CNOT7: variants seen among roughly 807,000 people sequenced by gnomAD.
CNOT7 encodes the protein BTG1-binding factor 1.
In CNOT7, 4 loss-of-function variants were observed where a neutral mutation model predicts 37.1. The ratio of observed to expected loss-of-function variants is 0.11; its 90% CI spans 0.05 to 0.25. CNOT7 has a LOEUF of 0.25. Among genes scored for constraint, CNOT7 ranks in the 10% least tolerant of loss-of-function variants. CNOT7 has a pLI of 1.00. For missense variants in CNOT7, 170 were observed against 336.2 expected (o/e 0.51, Z 3.87); for synonymous variants, 128 against 115.6 (o/e 1.11, Z -0.69).
rs117960717 is a variant in CNOT7 at position 17,246,679 on chromosome 8, G to A, written c.-100C>T. The A allele has an allele frequency of 0.089, 14,805 of 166,526 alleles. 792 individuals are homozygous for A. Among genetic ancestry groups the A allele is most frequent in the South Asian group, 0.19 (1,579 of 8,456 alleles). 10.3% of individuals were successfully genotyped at this position (166,526 alleles called of 1,614,324 possible). ...TGCAGCGGATGCAAGATCTACTTGTGTCGCTGAGCTCGCGCTCCTCCTCCT... is the reference window on the plus strand; with the variant it reads ...TGCAGCGGATGCAAGATCTACTTGTATCGCTGAGCTCGCGCTCCTCCTCCT... On this transcript the variant is annotated 5_prime_UTR_variant, in exon 1 of 7. Coordinates refer to ENST00000361272, the MANE Select transcript of CNOT7 (RefSeq NM_013354.7).
At chr8:17,244,928 G>C (rs148988960) in intron 2 of CNOT7, 108 bp downstream of exon 2, 13 of 910,882 alleles carry the variant, frequency 1.4e-5, no homozygotes, top group Non-Finnish European at 2.0e-5. Flanking sequence ...ACTTTTCATG[G>C]TGAAATTAAT....
chr8:17,231,944 T>A, intron 6 of CNOT7: 3 of 987,684 alleles, frequency 3.0e-6, no homozygotes, highest in Non-Finnish European at 3.6e-6. Context: ...TTCTTCTCTA[T>A]AAAATCTTCA....
At position 17,234,825 on chromosome 8, in the gene CNOT7, G is replaced by A. The variant is rs1476469058; in HGVS notation, c.509C>T (p.Thr170Ile). Residue 170 changes from threonine to isoleucine, a missense_variant, in exon 5 of 7, where the codon ACC becomes ATC. This residue lies in a region of CNOT7 where 68 missense variants were observed against 151.1 expected (regional missense o/e 0.45). Transcript: ENST00000361272. ...TTCTTCTTCAGGCAAGTTAGAGTTG[G>A]TTAGGATTTTGATTAAGTAGCCAAA... ...YDFGYLIKIL[T>I]NSNLPEEELD... The A allele has an allele frequency of 6.2e-7, 1 of 1,613,808 alleles. No homozygotes were observed. Among genetic ancestry groups the A allele is most frequent in the Non-Finnish European group, 8.5e-7 (1 of 1,179,948 alleles).
chr8:17,231,623 G>T (rs1423218282), intron 6 of CNOT7: 2 of 985,224 alleles, frequency 2.0e-6, no homozygotes, highest in African/African-American at 1.7e-5. Context: ...AATCCACAGC[G>T]AATTTTTCCA....
rs1808097119 is a variant in CNOT7, at chr8:17,225,533, A to T, written c.*5187T>A. 1 of 151,770 alleles carries T rather than the reference A, an allele frequency of 6.6e-6. No homozygotes were observed. The highest frequency in any genetic ancestry group is 2.1e-4 in the South Asian group (1 of 4,834). 9.4% of individuals were successfully genotyped at this position (151,770 alleles called of 1,614,324 possible). ...CAATTGCTTTTATACTAAACGTTAA[A>T]TGTAACTAATGCTGTAGAAAACTGT... On this transcript the variant is annotated 3_prime_UTR_variant, in exon 7 of 7. Coordinates refer to ENST00000361272, the MANE Select transcript of CNOT7 (RefSeq NM_013354.7).
chr8:17,242,222 G>A (rs1457396404), intron 3 of CNOT7: 7 of 152,104 alleles, frequency 4.6e-5, no homozygotes, highest in South Asian at 2.1e-4. Context: ...TTTTTATGAA[G>A]GTTACCATGA....
At position 17,226,426 on chromosome 8, in the gene CNOT7, C is replaced by G. The variant is rs1808167449; in HGVS notation, c.*4294G>C. 2 of 151,620 alleles carry G rather than the reference C, an allele frequency of 1.3e-5. No homozygotes were observed. Among genetic ancestry groups the G allele is most frequent in the African/African-American group, 4.8e-5 (2 of 41,372 alleles). The allele number at this position is 151,620 out of a possible 1,614,324, so 9.4% of individuals were successfully genotyped here. On this transcript the variant is annotated 3_prime_UTR_variant, in exon 7 of 7. Transcript: ENST00000361272. The stretch of plus-strand genomic sequence containing the variant: ...ACTGCTAAATACTGACACATCCACC[C>G]ATGAGCATGTGATTTTAGTTAAGCA...
chr8:17,246,774 G>GT lies in CNOT7; in HGVS notation c.-196dup. Reference sequence around the variant, plus strand: ...GTGGCGGTAGCGGCGGCGGCAGCGGGTGCCCCATAGACACCTCTCGCCCAG... The same window carrying GT: ...GTGGCGGTAGCGGCGGCGGCAGCGGGTTGCCCCATAGACACCTCTCGCCCAG... On this transcript the variant is annotated 5_prime_UTR_variant, in exon 1 of 7. An upstream open reading frame in the 5' UTR gains an earlier in-frame stop. Coordinates refer to ENST00000361272, the MANE Select transcript of CNOT7 (RefSeq NM_013354.7). 1 of 184,782 alleles carries GT rather than the reference G, an allele frequency of 5.4e-6. No homozygotes were observed. Among genetic ancestry groups the GT allele is most frequent in the South Asian group, 8.7e-5 (1 of 11,538 alleles). 11.4% of individuals were successfully genotyped at this position (184,782 alleles called of 1,614,324 possible).
In CNOT7 at chr8:17,243,146, C is replaced by G; in HGVS notation, c.157G>C (p.Glu53Gln). Residue 53 changes from glutamate to glutamine, a missense_variant, in exon 3 of 7, where the codon GAA becomes CAA. This residue lies in a region of CNOT7 where 18 missense variants were observed against 57.0 expected (regional missense o/e 0.32). Transcript: ENST00000361272. ...TGATAGTCAGCATTGCTCCTGAATTCTCCAATGGGTCTTGCAACCACACCT... is the reference window on the plus strand; with the variant it reads ...TGATAGTCAGCATTGCTCCTGAATTGTCCAATGGGTCTTGCAACCACACCT... Reference protein sequence around the residue: ...FPGVVARPIGEFRSNADYQYQ... With the variant: ...FPGVVARPIGQFRSNADYQYQ... The G allele has an allele frequency of 6.2e-7, 1 of 1,607,264 alleles. No individual in the cohort carries two copies. Among genetic ancestry groups the G allele is most frequent in the East Asian group, 2.2e-5 (1 of 44,646 alleles).
chr8:17,233,531 A>G (rs1808916347), intron 5 of CNOT7, among the ~76,000 whole-genome samples: 1 of 152,208 alleles, frequency 6.6e-6, no homozygotes, highest in Non-Finnish European at 1.5e-5. Flanking sequence ...ACTTCCCAGT[A>G]ACAACCACAT....
intron 2 of CNOT7, among the ~76,000 whole-genome samples, chr8:17,243,900 C>T (rs1404085926): frequency 6.6e-6 from 1 of 152,188 alleles, no homozygotes; most frequent in African/African-American, 2.4e-5. Context: ...AACCAATCAA[C>T]TTGCTCCTCC....
chr8:17,245,659 T>G (rs926827904), intron 1 of CNOT7, among the ~76,000 whole-genome samples: 3 of 152,110 alleles, frequency 2.0e-5, no homozygotes, highest in Admixed American at 2.0e-4. Flanking sequence ...TCCTCATTAA[T>G]AAAACAACCA....
chr8:17,243,388 T>C, intron 2 of CNOT7: 2 of 640,318 alleles, frequency 3.1e-6, no homozygotes, highest in Non-Finnish European at 5.6e-6. Context: ...TCCTTAAATA[T>C]ATCCAAAAAG....
rs1267185963 is a variant in CNOT7, at chr8:17,227,545, TTTTC to T, written c.*3171_*3174del. ...GATGTAATTCAGCATTAGTAAATGG[TTTTC>T]TTTGCTTGGCTAACAAATAGGCTAC... is the stretch of plus-strand genomic sequence containing the variant. On this transcript the variant is annotated 3_prime_UTR_variant, in exon 7 of 7. Coordinates refer to ENST00000361272, the MANE Select transcript of CNOT7 (RefSeq NM_013354.7). 2.0e-5 allele frequency: 3 copies of T among 151,890 alleles called. No individual in the cohort carries two copies. The highest frequency in any genetic ancestry group is 7.2e-5 in the African/African-American group (3 of 41,410). The allele number at this position is 151,890 out of a possible 1,614,324, so 9.4% of individuals were successfully genotyped here. A position where few individuals can be genotyped will look rare whatever the true frequency, so the allele number is the denominator to read the frequency against.
At position 17,229,851 on chromosome 8, in the gene CNOT7, AAGG is replaced by A. The variant is rs1307606584; in HGVS notation, c.*866_*868del. 6.6e-6 allele frequency: 1 copy of A among 151,978 alleles called. No homozygotes were observed. The highest frequency in any genetic ancestry group is 1.5e-5 in the Non-Finnish European group (1 of 67,748). The allele number at this position is 151,978 out of a possible 1,614,324, so 9.4% of individuals were successfully genotyped here. A position where few individuals can be genotyped will look rare whatever the true frequency, so the allele number is the denominator to read the frequency against. ...TGGCTACAAAATTTAAAAAAAAAAA[AAGG>A]GTAAATGGTGATGGAATAAAAATAA... On this transcript the variant is annotated 3_prime_UTR_variant, in exon 7 of 7. Transcript: ENST00000361272.
At chr8:17,235,584 G>A (rs988470604) in intron 4 of CNOT7, among the ~76,000 whole-genome samples, 2 of 151,920 alleles carry the variant, frequency 1.3e-5, no homozygotes, top group African/African-American at 4.8e-5. Context: ...CCTTTGTCCG[G>A]CCTTTCGCAC....
At position 17,228,263 on chromosome 8, in the gene CNOT7, GTAAT is replaced by G. The variant is rs1298838203; in HGVS notation, c.*2453_*2456del. ...TAGATTTAACAGAATATATGAGCCT[GTAAT>G]TAATTAATGGCTCAGTAACACTAAA... is the stretch of plus-strand genomic sequence containing the variant. On this transcript the variant is annotated 3_prime_UTR_variant, in exon 7 of 7. Coordinates refer to ENST00000361272, the MANE Select transcript of CNOT7 (RefSeq NM_013354.7). 5 of 151,858 alleles carry G rather than the reference GTAAT, an allele frequency of 3.3e-5. No individual in the cohort carries two copies. The highest frequency in any genetic ancestry group is 1.9e-4 in the East Asian group (1 of 5,188). The allele number at this position is 151,858 out of a possible 1,614,324, so 9.4% of individuals were successfully genotyped here.
At chr8:17,239,255 G>A (rs946052050) in intron 3 of CNOT7, among the ~76,000 whole-genome samples, 7 of 151,890 alleles carry the variant, frequency 4.6e-5, no homozygotes, top group Non-Finnish European at 8.8e-5. Context: ...TTGCCATGTT[G>A]CCCGAACTGG....
intron 5 of CNOT7, among the ~76,000 whole-genome samples, chr8:17,234,410 G>C (rs189984534): frequency 6.6e-6 from 1 of 152,286 alleles, no homozygotes; most frequent in East Asian, 1.9e-4. Context: ...GCATATGAGA[G>C]CCTCAATGTC....
Sources: allele counts gnomAD v4.1 joint callset (sites outside exome capture counted in the v4.1 genomes callset), GRCh38; gene constraint gnomAD v4.1.1; regional missense constraint gnomAD v4.1.1; transcripts MANE v1.5; gene names NCBI Gene and HGNC (gene_info 2026-07-23, HGNC 2026-07-21).